LGR4: variants seen among roughly 807,000 people sequenced by gnomAD.
LGR4 encodes the protein leucine-rich repeat-containing G protein-coupled receptor 4.
Under a neutral mutation model 84.8 loss-of-function variants are expected in LGR4, and 44 were observed. The observed-to-expected ratio is 0.52, with a 90% CI of 0.41 to 0.67. LGR4 has a LOEUF of 0.67. LGR4 is among the 30% of genes least tolerant of loss of function. The pLI is 0.00. For synonymous variants in LGR4, 429 were observed against 434.3 expected (o/e 0.99, Z 0.15); for missense variants, 1,032 against 1,131.4 (o/e 0.91, Z 1.26).
Position 27,385,745 on chromosome 11 carries a change from GAT to G in LGR4, c.402-279_402-278del, listed in dbSNP as rs1463092583. 3.3e-5 allele frequency among the ~76,000 whole-genome samples: 5 copies of G among 149,450 alleles called. No homozygotes were observed. The Admixed American group carries it at 3.3e-4, about 10-fold the overall frequency. On this transcript the variant is annotated intron_variant, in intron 4 of 17. Transcript: ENST00000379214. ...CTAAGAAGTAACTTTATAGCAGAAA[GAT>G]ATATTTTTTAAAAACACTTGCAAAG...
At chr11:27,458,229 G>C (rs989296732) in intron 1 of LGR4, among the ~76,000 whole-genome samples, 1 of 152,146 alleles carries the variant, frequency 6.6e-6, no homozygotes, top group African/African-American at 2.4e-5. Flanking sequence ...AGACGCAAAA[G>C]GTTACATTGT....
intron 1 of LGR4, among the ~76,000 whole-genome samples, chr11:27,469,441 C>T (rs1382644216): frequency 6.6e-6 from 1 of 152,142 alleles, no homozygotes; most frequent in East Asian, 1.9e-4. Context: ...GCCTTGCATC[C>T]TTATTTATTC....
intron 1 of LGR4, among the ~76,000 whole-genome samples, chr11:27,417,837 C>A (rs971886180): frequency 1.3e-5 from 2 of 151,918 alleles, no homozygotes; most frequent in African/African-American, 2.4e-5. Flanking sequence ...TCTTCATTTG[C>A]AAAATGAAAA....
chr11:27,414,373 AC>A (rs1863772400), intron 1 of LGR4, among the ~76,000 whole-genome samples: 1 of 151,556 alleles, frequency 6.6e-6, no homozygotes, highest in Non-Finnish European at 1.5e-5. Context: ...CTGGAAGAGC[AC>A]TTTTGCTTGA....
chr11:27,421,371 T>C (rs568024043), intron 1 of LGR4, among the ~76,000 whole-genome samples: 1 of 152,312 alleles, frequency 6.6e-6, no homozygotes, highest in South Asian at 2.1e-4. Context: ...TGGGAGTAAG[T>C]ACAGGCTAAA....
intron 1 of LGR4, among the ~76,000 whole-genome samples, chr11:27,435,925 T>G (rs1393127316): frequency 6.6e-6 from 1 of 151,906 alleles, no homozygotes; most frequent in African/African-American, 2.4e-5. Flanking sequence ...CTTTTTTTTT[T>G]TTTGAGACGG....
intron 2 of LGR4, among the ~76,000 whole-genome samples, chr11:27,407,523 A>T (rs1863634533): frequency 6.6e-6 from 1 of 152,158 alleles, no homozygotes; most frequent in Admixed American, 6.6e-5. Context: ...ATTAAATGCA[A>T]TAGAATATAT....
At chr11:27,404,343 C>T (rs541178225) in intron 2 of LGR4, among the ~76,000 whole-genome samples, 15 of 152,142 alleles carry the variant, frequency 9.9e-5, no homozygotes, top group African/African-American at 1.4e-4. Context: ...TCATCACCTT[C>T]GTTCCTGGGC....
chr11:27,425,648 C>T (rs1025650653), intron 1 of LGR4, among the ~76,000 whole-genome samples: 6 of 152,092 alleles, frequency 3.9e-5, no homozygotes, highest in African/African-American at 1.4e-4. Context: ...ATAGTACACC[C>T]TTTCACTCTC....
intron 1 of LGR4, among the ~76,000 whole-genome samples, chr11:27,454,133 A>G (rs1016863229): frequency 6.6e-6 from 1 of 152,202 alleles, no homozygotes; most frequent in Non-Finnish European, 1.5e-5. Context: ...TTAGATAAAA[A>G]CTAAACTCTT....
intron 16 of LGR4, 63 bp downstream of exon 16, chr11:27,372,220 A>G (rs954163554): frequency 2.1e-6 from 2 of 970,136 alleles, no homozygotes; most frequent in African/African-American, 1.6e-5. Flanking sequence ...AGTAATTATA[A>G]TAACAGGAAC....
intron 2 of LGR4, among the ~76,000 whole-genome samples, chr11:27,395,578 G>C (rs1486074712): frequency 6.6e-6 from 1 of 152,104 alleles, no homozygotes; most frequent in Non-Finnish European, 1.5e-5. Context: ...ATGACAAAAT[G>C]AGCTCTGCAT....
Position 27,378,734 on chromosome 11 carries a change from T to A in LGR4, c.1006A>T (p.Asn336Tyr). Residue 336 changes from asparagine to tyrosine, a missense_variant, in exon 11 of 18, where the codon AAT becomes TAT. Coordinates refer to ENST00000379214, the MANE Select transcript of LGR4 (RefSeq NM_018490.5). ...LTGTKISSIP[N>Y]NLCQEQKMLR... Reference sequence around the variant, plus strand: ...ATCTTTTGTTCTTGACACAAATTATTAGGTATGCTGCTTATCTTTGTACCT... The same window carrying A: ...ATCTTTTGTTCTTGACACAAATTATAAGGTATGCTGCTTATCTTTGTACCT... 1 of 1,612,310 alleles carries A rather than the reference T, an allele frequency of 6.2e-7. No homozygotes were observed. Among genetic ancestry groups the A allele is most frequent in the South Asian group, 1.1e-5 (1 of 90,728 alleles).
intron 2 of LGR4, among the ~76,000 whole-genome samples, chr11:27,402,610 T>A (rs1466608462): frequency 1.3e-5 from 2 of 152,168 alleles, no homozygotes; most frequent in Admixed American, 1.3e-4. Context: ...TCTTACCTAG[T>A]AATAAAGTAA....
chr11:27,409,227 C>T (rs962140906), intron 2 of LGR4, among the ~76,000 whole-genome samples: 5 of 152,030 alleles, frequency 3.3e-5, no homozygotes, highest in Admixed American at 3.3e-4. Flanking sequence ...GCACTGGGCT[C>T]TAGGGGCCTG....
At chr11:27,446,509 G>A (rs1400602506) in intron 1 of LGR4, among the ~76,000 whole-genome samples, 1 of 152,096 alleles carries the variant, frequency 6.6e-6, no homozygotes, top group Non-Finnish European at 1.5e-5. Flanking sequence ...CAGTTAGAAT[G>A]GCGATCATTA....
intron 2 of LGR4, among the ~76,000 whole-genome samples, chr11:27,412,081 A>T (rs1213775212): frequency 6.6e-6 from 1 of 152,104 alleles, no homozygotes; most frequent in African/African-American, 2.4e-5. Flanking sequence ...GATTCTCAAA[A>T]TATAATATAT....
At chr11:27,458,885 G>A (rs910030140) in intron 1 of LGR4, among the ~76,000 whole-genome samples, 5 of 152,154 alleles carry the variant, frequency 3.3e-5, no homozygotes, top group African/African-American at 1.2e-4. Flanking sequence ...AAGTAAGGAA[G>A]ATGGAACATC....
Position 27,472,616 on chromosome 11 carries a change from C to G in LGR4, c.-314G>C, listed in dbSNP as rs901639591. On this transcript the variant is annotated 5_prime_UTR_variant, in exon 1 of 18. Transcript: ENST00000379214. Reference sequence around the variant, plus strand: ...TGCCATCGCACCGGTCTCCCTGTCCCTGGCCTCTCAATGCAGCGGCTCTTC... The same window carrying G: ...TGCCATCGCACCGGTCTCCCTGTCCGTGGCCTCTCAATGCAGCGGCTCTTC... 1.5e-4 allele frequency: 54 copies of G among 366,434 alleles called. No individual in the cohort carries two copies. In the East Asian group the frequency reaches 2.1e-3, roughly 14 times the overall value. The allele number at this position is 366,434 out of a possible 1,614,324, so 22.7% of individuals were successfully genotyped here.
Sources: gnomAD v4.1 joint callset for allele counts (sites outside exome capture counted in the v4.1 genomes callset) on GRCh38, gnomAD v4.1.1 for gene constraint, MANE v1.5 for transcripts, NCBI Gene and HGNC (gene_info 2026-07-23, HGNC 2026-07-21) for gene names.